The following ADGRL3 variants were observed in gnomAD, a reference collection of about 807,000 sequenced individuals.
ADGRL3 encodes the protein calcium-independent alpha-latrotoxin receptor 3.
Under a neutral mutation model 153.5 loss-of-function variants are expected in ADGRL3, and 62 were observed. The observed-to-expected ratio is 0.40, with a 90% CI of 0.33 to 0.50. The LOEUF (loss-of-function observed/expected upper bound fraction) is 0.50. ADGRL3 is among the 20% of genes least tolerant of loss of function. ADGRL3 has a pLI of 0.47. For synonymous variants in ADGRL3, 710 were observed against 672.5 expected (o/e 1.06, Z -0.86); for missense variants, 1,641 against 1,859.4 (o/e 0.88, Z 2.16).
intron 9 of ADGRL3, among the ~76,000 whole-genome samples, chr4:61,858,451 C>G (rs2098303403): frequency 6.6e-6 from 1 of 151,938 alleles, no homozygotes; most frequent in African/African-American, 2.4e-5. Context: ...TGAAACCCCA[C>G]CTCTACTAAA....
intron 21 of ADGRL3, 71 bp downstream of exon 21, chr4:61,998,336 A>C (rs1160334010): frequency 1.2e-5 from 9 of 724,328 alleles, no homozygotes; most frequent in Non-Finnish European, 1.7e-5. Context: ...TTTCTATTAT[A>C]TCAAAATCTT....
chr4:61,418,278 A>G (rs2097166385), intron 2 of ADGRL3, among the ~76,000 whole-genome samples: 1 of 152,242 alleles, frequency 6.6e-6, no homozygotes, highest in South Asian at 2.1e-4. Flanking sequence ...TAGGGTCAGA[A>G]CAGGATTGCT....
rs573880397 is a variant in ADGRL3 at position 61,972,701 on chromosome 4, A to G, written c.2806-6862A>G. Among the ~76,000 whole-genome samples, 947 of 152,214 alleles carry G rather than the reference A, an allele frequency of 6.2e-3. 4 individuals are homozygous for G. The highest frequency in any genetic ancestry group is 0.014 in the Middle Eastern group (4 of 294). ...TTTTTCCAATTCTGTGAAGAAAGTCATTGGTAGCTTGATGGGGATGGCATT... is the reference window on the plus strand; with the variant it reads ...TTTTTCCAATTCTGTGAAGAAAGTCGTTGGTAGCTTGATGGGGATGGCATT... On this transcript the variant is annotated intron_variant, in intron 17 of 26. Coordinates refer to ENST00000683033, the MANE Select transcript of ADGRL3 (RefSeq NM_001387552.1).
At chr4:61,428,402 T>C (rs1471429741) in intron 2 of ADGRL3, among the ~76,000 whole-genome samples, 3 of 152,324 alleles carry the variant, frequency 2.0e-5, no homozygotes, top group African/African-American at 7.2e-5. Context: ...GGCCTACTCT[T>C]GACTGCTGCA....
At chr4:61,578,387 A>T (rs2098903955) in intron 4 of ADGRL3, among the ~76,000 whole-genome samples, 1 of 152,040 alleles carries the variant, frequency 6.6e-6, no homozygotes, top group African/African-American at 2.4e-5. Context: ...AGCGATTACC[A>T]TTGTCATATT....
Position 62,070,543 on chromosome 4 carries a change from C to T in ADGRL3, c.4267C>T (p.Arg1423Trp), listed in dbSNP as rs1469525640. ...CCAGCCACACCATTATACCAGAAGGCGGATCCCCCAAGACCACAGTGAGAG... is the reference window on the plus strand; with the variant it reads ...CCAGCCACACCATTATACCAGAAGGTGGATCCCCCAAGACCACAGTGAGAG... The part of the protein sequence containing the change: ...NHQPHHYTRR[R>W]IPQDHSESFF... Residue 1423 changes from arginine to tryptophan, a missense_variant, in exon 27 of 27, where the codon CGG becomes TGG. Around this residue, in one of 5 missense-constraint regions of ADGRL3, gnomAD observed 517 missense variants for 555.0 expected, o/e 0.93. Transcript: ENST00000683033. 9.0e-6 allele frequency: 14 copies of T among 1,550,802 alleles called. No homozygotes were observed. The highest frequency in any genetic ancestry group is 1.1e-5 in the Non-Finnish European group (13 of 1,146,840).
intron 2 of ADGRL3, among the ~76,000 whole-genome samples, chr4:61,472,098 G>A (rs140455499): frequency 1.3e-5 from 2 of 152,078 alleles, no homozygotes; most frequent in African/African-American, 2.4e-5. Flanking sequence ...TGTGTTTAAA[G>A]GCATTGCTTA....
At chr4:61,999,813 T>TA (rs1487845227) in intron 21 of ADGRL3, among the ~76,000 whole-genome samples, 1 of 152,112 alleles carries the variant, frequency 6.6e-6, no homozygotes, top group Non-Finnish European at 1.5e-5. Context: ...CTACATTAAA[T>TA]AAAAAAGATA....
At chr4:61,246,389 C>T (rs559540926) in intron 1 of ADGRL3, among the ~76,000 whole-genome samples, 1 of 151,950 alleles carries the variant, frequency 6.6e-6, no homozygotes, top group Admixed American at 6.6e-5. Context: ...TATCAAGCAT[C>T]GGGGGGAGTT....
chr4:61,369,371 A>C (rs2096474171), intron 1 of ADGRL3, among the ~76,000 whole-genome samples: 1 of 152,192 alleles, frequency 6.6e-6, no homozygotes, highest in African/African-American at 2.4e-5. Flanking sequence ...TGGGTTTGTC[A>C]TAGATAGCTC....
At chr4:61,356,257 A>T (rs952416148) in intron 1 of ADGRL3, among the ~76,000 whole-genome samples, 6 of 152,042 alleles carry the variant, frequency 3.9e-5, no homozygotes, top group African/African-American at 1.4e-4. Flanking sequence ...CATAAAAATG[A>T]TTTTGGATAA....
At chr4:62,006,534 G>A (rs1031513608) in intron 21 of ADGRL3, among the ~76,000 whole-genome samples, 1 of 150,608 alleles carries the variant, frequency 6.6e-6, no homozygotes, top group Non-Finnish European at 1.5e-5. Context: ...GGAAGTTGGA[G>A]TAGTGAAAGC....
chr4:61,205,941 T>C (rs578080698), intron 1 of ADGRL3, among the ~76,000 whole-genome samples: 51 of 152,336 alleles, frequency 3.3e-4, no homozygotes, highest in Middle Eastern at 6.8e-3. Context: ...TTAATTCTAC[T>C]GCTGCATAAG....
chr4:61,977,104 A>G (rs1020213746), intron 17 of ADGRL3, among the ~76,000 whole-genome samples: 1 of 152,204 alleles, frequency 6.6e-6, no homozygotes, highest in Admixed American at 6.5e-5. Context: ...GTAACTCTGC[A>G]TGGAGTTTTT....
At chr4:61,306,280 A>G (rs567563385) in intron 1 of ADGRL3, among the ~76,000 whole-genome samples, 57 of 151,930 alleles carry the variant, frequency 3.8e-4, no homozygotes, top group African/African-American at 1.3e-3. Flanking sequence ...TTGTATTTTT[A>G]GTAGAGACGG....
At chr4:61,809,948 C>G (rs764890207) in intron 8 of ADGRL3, among the ~76,000 whole-genome samples, 1 of 151,966 alleles carries the variant, frequency 6.6e-6, no homozygotes, top group African/African-American at 2.4e-5. Context: ...ATTAAACAAA[C>G]GAGGAATTTA....
At chr4:61,905,790 G>T (rs547883127) in intron 11 of ADGRL3, among the ~76,000 whole-genome samples, 1 of 151,780 alleles carries the variant, frequency 6.6e-6, no homozygotes, top group Admixed American at 6.6e-5. Flanking sequence ...AGCTACTCGG[G>T]AGACCAAGGC....
At chr4:61,913,890 GCCAGCT>G (rs1184273110) in intron 13 of ADGRL3, among the ~76,000 whole-genome samples, 86 of 152,118 alleles carry the variant, frequency 5.7e-4, no homozygotes, top group African/African-American at 2.1e-3. Context: ...ATCTCTGTGT[GCCAGCT>G]ATAATCATTT....
intron 9 of ADGRL3, among the ~76,000 whole-genome samples, chr4:61,844,121 G>C (rs1290641479): frequency 1.3e-5 from 2 of 150,670 alleles, no homozygotes; most frequent in East Asian, 3.9e-4. Context: ...CGTATATTTT[G>C]TGTTTTCTGT....
Sources: gnomAD v4.1 joint callset for allele counts (sites outside exome capture counted in the v4.1 genomes callset) on GRCh38, gnomAD v4.1.1 for gene constraint, gnomAD v4.1.1 regional missense constraint, MANE v1.5 for transcripts, NCBI Gene and HGNC (gene_info 2026-07-23, HGNC 2026-07-21) for gene names.